Variants in EIF4A3 observed in about 807,000 individuals in gnomAD.
EIF4A3 encodes the protein eukaryotic translation initiation factor 4A3.
Under a neutral mutation model 55.6 loss-of-function variants are expected in EIF4A3, and 1 was observed. That is an observed-to-expected ratio of 0.02 (90% confidence interval 0.01 to 0.09). The LOEUF is 0.09. EIF4A3 is among the 10% of genes least tolerant of loss of function. The pLI is 1.00. For synonymous variants in EIF4A3, 194 were observed against 196.3 expected (o/e 0.99, Z 0.10); for missense variants, 221 against 540.7 (o/e 0.41, Z 5.86).
chr17:80,141,461 A>G, intron 3 of EIF4A3, 80 bp from the exon 4 acceptor site: 1 of 1,363,440 alleles, frequency 7.3e-7, no homozygotes, highest in East Asian at 2.3e-5. Flanking sequence ...TCAGATCTAT[A>G]TGAGAAATAC....
chr17:80,141,251 G>A (rs374370395), intron 4 of EIF4A3, 68 bp downstream of exon 4: 51 of 1,453,136 alleles, frequency 3.5e-5, no homozygotes, highest in Middle Eastern at 1.8e-4. Flanking sequence ...TAAATAAGTC[G>A]GTGTTTCACA....
At chr17:80,139,925 C>G in intron 5 of EIF4A3, 83 bp downstream of exon 5, 3 of 1,556,014 alleles carry the variant, frequency 1.9e-6, no homozygotes, top group Non-Finnish European at 2.6e-6. Flanking sequence ...TGCGGCCTAC[C>G]AAATCGAAAG....
chr17:80,139,003 G>C lies in EIF4A3; in HGVS notation c.728+18C>G, dbSNP rs1182955620. 31 of 1,612,404 alleles carry C rather than the reference G, an allele frequency of 1.9e-5. No homozygotes were observed. Among genetic ancestry groups the C allele is most frequent in the Non-Finnish European group, 2.5e-5 (30 of 1,179,204 alleles). ...TGCGGCCCAGTGTTTTAGTAAACTTGACAAGAGGGGCTCCTACCGTTTCAC... is the reference window on the plus strand; with the variant it reads ...TGCGGCCCAGTGTTTTAGTAAACTTCACAAGAGGGGCTCCTACCGTTTCAC... On this transcript the variant is annotated intron_variant, in intron 7 of 11. Coordinates refer to ENST00000649764, the MANE Select transcript of EIF4A3 (RefSeq NM_014740.4).
intron 1 of EIF4A3, among the ~76,000 whole-genome samples, chr17:80,144,642 TACAA>T (rs1394178352): frequency 1.3e-5 from 2 of 151,978 alleles, no homozygotes; most frequent in African/African-American, 4.8e-5. Flanking sequence ...TTGACTGGAT[TACAA>T]ACAACCTATA....
chr17:80,144,316 G>A, intron 1 of EIF4A3, 72 bp from the exon 2 acceptor site: 2 of 1,431,808 alleles, frequency 1.4e-6, no homozygotes. Flanking sequence ...GAGCTCCTCA[G>A]GGGCAGACAT....
At position 80,134,890 on chromosome 17, in the gene EIF4A3, G is replaced by A. The variant is rs4889828; in HGVS notation, c.*600C>T. Among the ~76,000 whole-genome samples, 39,119 of 151,932 alleles carry A rather than the reference G, an allele frequency of 0.26. 5,169 individuals carry two copies. Among genetic ancestry groups the A allele is most frequent in the East Asian group, 0.35 (1,812 of 5,166 alleles). On this transcript the variant is annotated 3_prime_UTR_variant, in exon 12 of 12. Coordinates refer to ENST00000649764, the MANE Select transcript of EIF4A3 (RefSeq NM_014740.4). The stretch of plus-strand genomic sequence containing the variant: ...AAATGGGCCGGGTGCAGTGGCTCAC[G>A]CCTGTAATCCCAGCACTTTGGGAGG...
chr17:80,141,682 G>C (rs751064179), intron 3 of EIF4A3, 100 bp downstream of exon 3: 10 of 1,276,274 alleles, frequency 7.8e-6, no homozygotes, highest in Non-Finnish European at 9.9e-6. Flanking sequence ...ATACATACTA[G>C]AAAATTTTAA....
In EIF4A3 at chr17:80,141,360, T is replaced by C; in HGVS notation, c.331A>G (p.Ile111Val). 1.2e-6 allele frequency: 2 copies of C among 1,613,858 alleles called. No homozygotes were observed. Among genetic ancestry groups the C allele is most frequent in the Non-Finnish European group, 1.7e-6 (2 of 1,179,804 alleles). Residue 111 changes from isoleucine (I) to valine (V), a missense_variant, in exon 4 of 12, where the codon ATC (isoleucine) becomes GTC (valine). Physicochemically the swap from Ile to Val is conservative, Grantham distance 29. Around this residue, in one of 4 missense-constraint regions of EIF4A3, gnomAD observed 85 missense variants for 205.8 expected, o/e 0.41. Coordinates refer to ENST00000649764, the MANE Select transcript of EIF4A3 (RefSeq NM_014740.4). ...DIQVRETQALILAPTRELAVQ... is the reference protein window; with the variant it reads ...DIQVRETQALVLAPTRELAVQ... ...GCCAACTCTCTTGTGGGAGCCAAGATCAAAGCTTGAGTTTCACGAACCTGG... is the reference window on the plus strand; with the variant it reads ...GCCAACTCTCTTGTGGGAGCCAAGACCAAAGCTTGAGTTTCACGAACCTGG...
intron 1 of EIF4A3, 28 bp from the exon 2 acceptor site, chr17:80,144,272 TCAC>T: frequency 6.2e-7 from 1 of 1,610,418 alleles, no homozygotes; most frequent in South Asian, 1.1e-5. Flanking sequence ...AAATTAGCCC[TCAC>T]CACAATGACA....
chr17:80,142,571 C>T (rs2039626837), intron 2 of EIF4A3, among the ~76,000 whole-genome samples: 1 of 152,164 alleles, frequency 6.6e-6, no homozygotes, highest in Non-Finnish European at 1.5e-5. Flanking sequence ...CAGCAAGAGA[C>T]CCCATTTCTA....
chr17:80,146,231 G>A (rs1444163409), intron 1 of EIF4A3, among the ~76,000 whole-genome samples: 2 of 125,332 alleles, frequency 1.6e-5, no homozygotes, highest in African/African-American at 5.8e-5. Context: ...TGCCCCAACT[G>A]CTCTTCCCTC....
chr17:80,137,582 T>G lies in EIF4A3; in HGVS notation c.868-81A>C, dbSNP rs1010019619. ...GCATTCGGGACTTTACCGCATCATT[T>G]GCAGAACCAGTATCAATATTCGTAA... On this transcript the variant is annotated intron_variant, in intron 8 of 11. Transcript: ENST00000649764. 191 of 1,051,560 alleles carry G rather than the reference T, an allele frequency of 1.8e-4. 2 individuals are homozygous for G. Among genetic ancestry groups the G allele is most frequent in the Non-Finnish European group, 2.4e-4 (168 of 707,176 alleles). 65.1% of individuals were successfully genotyped at this position (1,051,560 alleles called of 1,614,324 possible).
intron 1 of EIF4A3, 54 bp downstream of exon 1, chr17:80,146,739 C>G: frequency 6.4e-7 from 1 of 1,570,564 alleles, no homozygotes; most frequent in Non-Finnish European, 8.6e-7. Context: ...CCCTCAGCCC[C>G]CGGCTCGCCC....
At chr17:80,139,896 C>A in intron 5 of EIF4A3, 112 bp downstream of exon 5, 1 of 1,527,254 alleles carries the variant, frequency 6.5e-7, no homozygotes, top group East Asian at 2.3e-5. Context: ...GCAAGTGACC[C>A]AGGTGCAAAA....
chr17:80,137,979 C>T (rs138448499), intron 8 of EIF4A3, among the ~76,000 whole-genome samples, 163 bp downstream of exon 8: 20 of 152,280 alleles, frequency 1.3e-4, no homozygotes, highest in African/African-American at 4.3e-4. Flanking sequence ...CCACGTCTGA[C>T]CGTTTGCATA....
intron 8 of EIF4A3, 180 bp from the exon 9 acceptor site, chr17:80,137,681 C>A (rs1389505018): frequency 3.5e-6 from 2 of 572,300 alleles, no homozygotes; most frequent in African/African-American, 3.8e-5. Context: ...TTGGGGTGCA[C>A]TCACAAAACC....
At position 80,146,906 on chromosome 17, in the gene EIF4A3, T is replaced by G. The variant is rs2039669948; in HGVS notation, c.56A>C (p.Lys19Thr). The G allele has an allele frequency of 6.2e-7, 1 of 1,610,182 alleles. No homozygotes were observed. The highest frequency in any genetic ancestry group is 1.3e-5 in the African/African-American group (1 of 74,204). ...TTCCACTTTAGTCATGTCTTCCTCT[T>G]TGAGCAGCCGCTTTCGCGCCGAGCC... ...TSGSARKRLL[K>T]EEDMTKVEFE... The change falls in exon 1 of 12, where the codon AAA (lysine) becomes ACA (threonine). Residue 19 changes from lysine (K) to threonine (T), a missense_variant. Coordinates refer to ENST00000649764, the MANE Select transcript of EIF4A3 (RefSeq NM_014740.4).
At position 80,139,003 on chromosome 17, in the gene EIF4A3, G is replaced by A; in HGVS notation, c.728+18C>T. ...TGCGGCCCAGTGTTTTAGTAAACTT[G>A]ACAAGAGGGGCTCCTACCGTTTCAC... On this transcript the variant is annotated intron_variant, in intron 7 of 11. Coordinates refer to ENST00000649764, the MANE Select transcript of EIF4A3 (RefSeq NM_014740.4). 3 of 1,612,404 alleles carry A rather than the reference G, an allele frequency of 1.9e-6. No individual in the cohort carries two copies. Among genetic ancestry groups the A allele is most frequent in the Non-Finnish European group, 1.7e-6 (2 of 1,179,204 alleles).
intron 9 of EIF4A3, chr17:80,136,969 A>C (rs569163889): frequency 1.3e-5 from 2 of 159,148 alleles, no homozygotes; most frequent in East Asian, 3.7e-4. Context: ...AACAAACAAA[A>C]AAAGACACAC....
Sources: gnomAD v4.1 joint callset for allele counts (sites outside exome capture counted in the v4.1 genomes callset) on GRCh38, gnomAD v4.1.1 for gene constraint, gnomAD v4.1.1 regional missense constraint, MANE v1.5 for transcripts, NCBI Gene and HGNC (gene_info 2026-07-23, HGNC 2026-07-21) for gene names.